The following CELF2 variants were observed in gnomAD, a reference collection of about 807,000 sequenced individuals.
CELF2 encodes CUG triplet repeat RNA-binding protein 2.
A neutral mutation model predicts 62.6 loss-of-function variants in CELF2; 8 were observed. The observed-to-expected ratio is 0.13, with a 90% CI of 0.07 to 0.23. The LOEUF (loss-of-function observed/expected upper bound fraction) is 0.23. Ranked by LOEUF, CELF2 falls within the 10% of genes least tolerant of loss-of-function variation. The pLI is 1.00. For missense variants in CELF2, 333 were observed against 671.0 expected, an observed-to-expected ratio of 0.50 and a Z score of 5.56; for synonymous variants, 258 against 250.0, an observed-to-expected ratio of 1.03 and a Z score of -0.30.
At chr10:11,283,552 ATGGGTGGATGATGGG>A (rs991831640) in intron 8 of CELF2, among the ~76,000 whole-genome samples, 1 of 139,828 alleles carries the variant, frequency 7.2e-6, no homozygotes, top group African/African-American at 2.6e-5. Context: ...GAATGGATAG[ATGGGTGGATGATGGG>A]TGGGTGGGTA....
At chr10:11,033,600 A>G (rs2060491640) in intron 1 of CELF2, among the ~76,000 whole-genome samples, 1 of 152,202 alleles carries the variant, frequency 6.6e-6, no homozygotes, top group Non-Finnish European at 1.5e-5. Flanking sequence ...GCATCTGACT[A>G]ACTGCCTGGG....
At chr10:11,102,845 T>C (rs1028072648) in intron 1 of CELF2, among the ~76,000 whole-genome samples, 2 of 152,178 alleles carry the variant, frequency 1.3e-5, no homozygotes, top group African/African-American at 4.8e-5. Flanking sequence ...CCACAGCTCA[T>C]GAAACCCTCA....
In CELF2 at chr10:11,110,850, G is replaced by A. The variant is rs1348686967; in HGVS notation, c.75-54636G>A. On this transcript the variant is annotated intron_variant, in intron 1 of 12. Coordinates refer to ENST00000633077, the MANE Select transcript of CELF2 (RefSeq NM_001326342.2). This position sits in a 1 kb window ranked among gnomAD's most constrained non-coding sequence, Gnocchi z 4.0. ...ACCTCATTTCATGCCCGAGAGCTTG[G>A]AAGCCTAGACCCCCACTAACAAGGA... Among the ~76,000 whole-genome samples the A allele has an allele frequency of 6.6e-6, 1 of 152,126 alleles. No homozygotes were observed. Among genetic ancestry groups the A allele is most frequent in the Non-Finnish European group, 1.5e-5 (1 of 68,024 alleles).
chr10:10,733,343 T>C, the CELF2 span, among the ~76,000 whole-genome samples: 2 of 152,296 alleles, frequency 1.3e-5, no homozygotes, highest in East Asian at 3.9e-4. Flanking sequence ...TCCCTCTTTC[T>C]ATCTGCCAAC....
chr10:11,076,752 G>A (rs887896235), intron 1 of CELF2, among the ~76,000 whole-genome samples: 1 of 152,134 alleles, frequency 6.6e-6, no homozygotes, highest in Non-Finnish European at 1.5e-5. Context: ...ATGGACTTAG[G>A]TCTGTTTTTA....
chr10:11,308,586 A>AT (rs1440920752), intron 9 of CELF2, among the ~76,000 whole-genome samples: 2 of 152,144 alleles, frequency 1.3e-5, no homozygotes, highest in South Asian at 2.1e-4. Context: ...CAGAATTTCC[A>AT]TTTTTTTAAA....
intron 5 of CELF2, among the ~76,000 whole-genome samples, chr10:11,263,731 A>G (rs1175424017): frequency 1.7e-4 from 26 of 152,262 alleles, no homozygotes; most frequent in Admixed American, 1.7e-3. Context: ...CTGTGTTAGT[A>G]TAAAGCCATA....
chr10:10,863,393 A>G (rs778499063), intron 1 of CELF2, among the ~76,000 whole-genome samples: 1 of 152,136 alleles, frequency 6.6e-6, no homozygotes, highest in Non-Finnish European at 1.5e-5. Context: ...GTGCTTTTAC[A>G]TTTGTTATCT....
At chr10:11,279,752 A>C (rs1044928223) in intron 8 of CELF2, among the ~76,000 whole-genome samples, 1 of 152,266 alleles carries the variant, frequency 6.6e-6, no homozygotes, top group East Asian at 1.9e-4. Context: ...AATTTTTTTT[A>C]AATCTTAAGT....
intron 1 of CELF2, among the ~76,000 whole-genome samples, chr10:10,877,141 A>C (rs1351709985): frequency 6.6e-6 from 1 of 152,272 alleles, no homozygotes; most frequent in Non-Finnish European, 1.5e-5. Context: ...TAATCTGGGC[A>C]AGCAGTAATT....
At chr10:11,249,878 T>C (rs2076636135) in intron 4 of CELF2, among the ~76,000 whole-genome samples, 1 of 152,246 alleles carries the variant, frequency 6.6e-6, no homozygotes, top group Admixed American at 6.5e-5. Flanking sequence ...GTCCCTTTTT[T>C]GTACTTTTAA....
At chr10:11,274,994 G>C (rs1380512051) in intron 7 of CELF2, 63 bp from the exon 8 acceptor site, 26 of 1,487,402 alleles carry the variant, frequency 1.7e-5, no homozygotes, top group Non-Finnish European at 2.3e-5. Context: ...TTTGTCCCCA[G>C]TTTAATGAGG....
the CELF2 span, among the ~76,000 whole-genome samples, chr10:10,632,551 G>A: frequency 6.6e-6 from 1 of 152,170 alleles, no homozygotes; most frequent in Non-Finnish European, 1.5e-5. Flanking sequence ...TTAGATCATT[G>A]TGAACAAGAA....
the CELF2 span, among the ~76,000 whole-genome samples, chr10:10,642,105 G>A: frequency 6.6e-6 from 1 of 152,210 alleles, no homozygotes; most frequent in African/African-American, 2.4e-5. Context: ...TGGGGGAAAG[G>A]AAGACAGGAA....
intron 1 of CELF2, among the ~76,000 whole-genome samples, chr10:10,809,147 C>T (rs1352808226): frequency 6.6e-6 from 1 of 152,144 alleles, no homozygotes; most frequent in Non-Finnish European, 1.5e-5. Flanking sequence ...GATGCCATAG[C>T]TCACTCGTGC....
Position 11,243,748 on chromosome 10 carries a change from A to AT in CELF2, c.355-5398dup, listed in dbSNP as rs529482949. 8.8e-4 allele frequency among the ~76,000 whole-genome samples: 134 copies of AT among 152,288 alleles called. No homozygotes were observed. The highest frequency in any genetic ancestry group is 3.1e-3 in the African/African-American group (128 of 41,556). On this transcript the variant is annotated intron_variant, in intron 3 of 12. Transcript: ENST00000633077. The surrounding 1 kb of genome is among the most constrained non-coding windows in gnomAD (Gnocchi z 4.1). ...ATCATGACAGCACAGACCACTGAAG[A>AT]TTTTTTTAGATACAGCCCATACTGT...
At chr10:10,733,540 G>A in the CELF2 span, among the ~76,000 whole-genome samples, 7 of 152,212 alleles carry the variant, frequency 4.6e-5, no homozygotes, top group South Asian at 1.5e-3. Flanking sequence ...TCACACTGCT[G>A]ATAAAGACAT....
At chr10:10,597,523 GA>G in the CELF2 span, among the ~76,000 whole-genome samples, 1 of 150,200 alleles carries the variant, frequency 6.7e-6, no homozygotes, top group African/African-American at 2.4e-5. Flanking sequence ...AATGTGGCAT[GA>G]AAAAAAAATC....
chr10:10,761,989 G>C, the CELF2 span, among the ~76,000 whole-genome samples: 1 of 150,700 alleles, frequency 6.6e-6, no homozygotes, highest in Non-Finnish European at 1.5e-5. Flanking sequence ...TATTGGTTCT[G>C]TTTCTCTGGA....
Sources: allele counts gnomAD v4.1 joint callset (sites outside exome capture counted in the v4.1 genomes callset), GRCh38; gene constraint gnomAD v4.1.1; non-coding constraint Gnocchi (gnomAD v3.1); transcripts MANE v1.5; gene names NCBI Gene and HGNC (gene_info 2026-07-23, HGNC 2026-07-21).